HMGCLL1: variants seen among roughly 807,000 people sequenced by gnomAD.
HMGCLL1 encodes the protein 3-hydroxymethyl-3-methylglutaryl-CoA lyase, cytoplasmic.
In HMGCLL1, 36 loss-of-function variants were observed where a neutral mutation model predicts 39.1. The observed-to-expected ratio is 0.92, with a 90% CI of 0.71 to 1.22. HMGCLL1 has a LOEUF of 1.22. HMGCLL1 is among the 50% of genes most tolerant of loss of function. HMGCLL1 has a pLI of 0.00. For missense variants in HMGCLL1, 451 were observed against 416.5 expected, an observed-to-expected ratio of 1.08 and a Z score of -0.72; for synonymous variants, 149 against 144.0, an observed-to-expected ratio of 1.03 and a Z score of -0.25.
chr6:55,543,284 A>C (rs1360171454), intron 1 of HMGCLL1, among the ~76,000 whole-genome samples: 2 of 14,928 alleles, frequency 1.3e-4, no homozygotes, highest in South Asian at 2.4e-3. Context: ...TATTATATAT[A>C]ATATATTATA....
At position 55,457,164 on chromosome 6, in the gene HMGCLL1, AATT is replaced by A. The variant is rs1316056694; in HGVS notation, c.796-17608_796-17606del. Among the ~76,000 whole-genome samples the A allele has an allele frequency of 4.6e-5, 7 of 152,306 alleles. No individual in the cohort carries two copies. In the East Asian group the frequency reaches 9.7e-4, roughly 21 times the overall value. On this transcript the variant is annotated intron_variant, in intron 7 of 8. Coordinates refer to ENST00000274901, the MANE Select transcript of HMGCLL1 (RefSeq NM_001042406.2). ...ATCCTTTCCAAGGAGTTGAAACTTG[AATT>A]ATTTTCTACCAAACTCTTATCAAAG...
chr6:55,439,675 T>C (rs41271320), intron 7 of HMGCLL1, 116 bp from the exon 8 acceptor site: 12 of 1,095,122 alleles, frequency 1.1e-5, no homozygotes, highest in Non-Finnish European at 1.5e-5. Context: ...GTTATTCAAA[T>C]ATATTCACTT....
At chr6:55,582,778 TC>T (rs1772006402), upstream of HMGCLL1, among the ~76,000 whole-genome samples, 1 of 152,174 alleles carries the variant, frequency 6.6e-6, no homozygotes, top group Admixed American at 6.5e-5. Flanking sequence ...AATTAATATT[TC>T]TTGTATATAC....
At chr6:55,630,628 A>G in the HMGCLL1 span, among the ~76,000 whole-genome samples, 53,393 of 151,800 alleles carry the variant, frequency 0.35, 9,818 homozygotes, top group African/African-American at 0.45. Context: ...ATTCCCATGT[A>G]TTGTGGGAGG....
chr6:55,621,785 G>T, the HMGCLL1 span, among the ~76,000 whole-genome samples: 1 of 151,922 alleles, frequency 6.6e-6, no homozygotes, highest in South Asian at 2.1e-4. Flanking sequence ...GTCCATCATC[G>T]TTATATTCCA....
chr6:55,463,270 A>C (rs544535223), intron 7 of HMGCLL1, among the ~76,000 whole-genome samples: 54 of 151,932 alleles, frequency 3.6e-4, no homozygotes, highest in Non-Finnish European at 6.5e-4. Flanking sequence ...GACCTCAGGC[A>C]AACCGCCTAC....
intron 7 of HMGCLL1, among the ~76,000 whole-genome samples, chr6:55,493,449 C>A (rs1055151095): frequency 1.3e-5 from 2 of 152,130 alleles, no homozygotes; most frequent in Non-Finnish European, 2.9e-5. Flanking sequence ...CCCTGTATGG[C>A]TGCTATAAGA....
the HMGCLL1 span, among the ~76,000 whole-genome samples, chr6:55,651,021 G>T: frequency 6.6e-6 from 1 of 152,086 alleles, no homozygotes; most frequent in Non-Finnish European, 1.5e-5. Context: ...GAGCCTGCTT[G>T]TTGGTCTATC....
At chr6:55,571,607 C>T (rs1771500242) in intron 1 of HMGCLL1, among the ~76,000 whole-genome samples, 1 of 151,830 alleles carries the variant, frequency 6.6e-6, no homozygotes, top group Non-Finnish European at 1.5e-5. Context: ...AGATCGAGAC[C>T]ATCCTGGCTA....
chr6:55,539,856 GAGGAAGAAAGAAAGAAAGAA>G (rs1769245470), intron 3 of HMGCLL1, among the ~76,000 whole-genome samples: 1 of 102,534 alleles, frequency 9.8e-6, no homozygotes, highest in Non-Finnish European at 2.0e-5. Context: ...GTGAAAGAAA[GAGGAAGAAAGAAAGAAAGAA>G]AGAAAGAAAG....
intron 5 of HMGCLL1, among the ~76,000 whole-genome samples, chr6:55,499,897 G>A (rs1387220396): frequency 1.3e-5 from 2 of 151,932 alleles, no homozygotes; most frequent in African/African-American, 4.8e-5. Flanking sequence ...TATTCTATAA[G>A]CTTCTTTTGT....
the HMGCLL1 span, among the ~76,000 whole-genome samples, chr6:55,668,456 A>G: frequency 6.6e-6 from 1 of 151,884 alleles, no homozygotes; most frequent in Non-Finnish European, 1.5e-5. Context: ...GGTTCTGGGT[A>G]AAATAAAGTA....
intron 7 of HMGCLL1, among the ~76,000 whole-genome samples, chr6:55,464,688 C>T (rs1764724587): frequency 6.6e-6 from 1 of 152,120 alleles, no homozygotes; most frequent in South Asian, 2.1e-4. Context: ...ACTCAGAGCC[C>T]AGGCCTTCCC....
intron 3 of HMGCLL1, among the ~76,000 whole-genome samples, chr6:55,534,909 C>T (rs1254474988): frequency 1.3e-5 from 2 of 152,154 alleles, no homozygotes; most frequent in African/African-American, 2.4e-5. Context: ...TAAAATATTT[C>T]CCACAAGCTG....
At chr6:55,500,397 A>G (rs1374419140) in intron 5 of HMGCLL1, among the ~76,000 whole-genome samples, 1 of 151,992 alleles carries the variant, frequency 6.6e-6, no homozygotes, top group Non-Finnish European at 1.5e-5. Context: ...CCTTAATTCT[A>G]ATATGCTATT....
At chr6:55,520,962 G>A (rs1232797018) in intron 3 of HMGCLL1, among the ~76,000 whole-genome samples, 4 of 151,886 alleles carry the variant, frequency 2.6e-5, no homozygotes, top group African/African-American at 9.7e-5. Flanking sequence ...CACAATATTT[G>A]CGTAACATTC....
chr6:55,488,278 T>G (rs531276837), intron 7 of HMGCLL1, among the ~76,000 whole-genome samples: 1 of 152,138 alleles, frequency 6.6e-6, no homozygotes, highest in African/African-American at 2.4e-5. Context: ...TAGCCATACA[T>G]GATTCTTACA....
chr6:55,455,097 A>ACCCC (rs1764267193), intron 7 of HMGCLL1, among the ~76,000 whole-genome samples: 1 of 151,918 alleles, frequency 6.6e-6, no homozygotes, highest in Admixed American at 6.6e-5. Context: ...TCAGAGTGAG[A>ACCCC]CCCCCATCTC....
At chr6:55,598,251 T>C in the HMGCLL1 span, among the ~76,000 whole-genome samples, 1,539 of 152,316 alleles carry the variant, frequency 0.01, 26 homozygotes, top group African/African-American at 0.034. Context: ...TTATCCTGTG[T>C]CCTGTTCTTA....
Sources: gnomAD v4.1 joint callset for allele counts (sites outside exome capture counted in the v4.1 genomes callset) on GRCh38, gnomAD v4.1.1 for gene constraint, MANE v1.5 for transcripts, NCBI Gene and HGNC (gene_info 2026-07-23, HGNC 2026-07-21) for gene names.